The following ABCC1 variants were observed in gnomAD, a reference collection of about 807,000 sequenced individuals.
The protein encoded by ABCC1 is multidrug resistance-associated protein 1.
A neutral mutation model predicts 172.9 loss-of-function variants in ABCC1; 83 were observed. That is an observed-to-expected ratio of 0.48 (90% confidence interval 0.40 to 0.58). ABCC1 has a LOEUF of 0.58. Ranked by LOEUF, ABCC1 falls within the 20% of genes least tolerant of loss-of-function variation. The pLI is 0.00. For missense variants in ABCC1, 1,817 were observed against 2,002.7 expected (o/e 0.91, Z 1.77); for synonymous variants, 937 against 825.2 (o/e 1.14, Z -2.32).
In ABCC1 at chr16:16,142,367, T is replaced by C. The variant is rs1006440437; in HGVS notation, c.*1086T>C. The C allele has an allele frequency of 2.0e-5, 3 of 152,218 alleles. No individual in the cohort carries two copies. Among genetic ancestry groups the C allele is most frequent in the African/African-American group, 7.2e-5 (3 of 41,452 alleles). The allele number at this position is 152,218 out of a possible 1,614,324, so 9.4% of individuals were successfully genotyped here. A position where few individuals can be genotyped will look rare whatever the true frequency, so the allele number is the denominator to read the frequency against. On this transcript the variant is annotated 3_prime_UTR_variant, in exon 31 of 31. Coordinates refer to ENST00000399410, the MANE Select transcript of ABCC1 (RefSeq NM_004996.4). ...TACCACCTCTTTTCTTTCCCTCTCATGGTACCTGCTCATGGTTATGAAGCT... is the reference window on the plus strand; with the variant it reads ...TACCACCTCTTTTCTTTCCCTCTCACGGTACCTGCTCATGGTTATGAAGCT...
chr16:15,998,371 C>T (rs2047131792), intron 1 of ABCC1, among the ~76,000 whole-genome samples: 1 of 152,142 alleles, frequency 6.6e-6, no homozygotes, highest in Non-Finnish European at 1.5e-5. Flanking sequence ...AAGCAATCCT[C>T]CCGCCTCAGC....
chr16:16,132,499 TTTGG>T (rs374653119), intron 27 of ABCC1, among the ~76,000 whole-genome samples: 2,288 of 123,272 alleles, frequency 0.019, 77 homozygotes, highest in South Asian at 0.029. Flanking sequence ...TTTTTTGTTT[TTTGG>T]TTGGTTGTTT....
rs1281998558 is a variant in ABCC1, at chr16:16,007,198, T to G, written c.49-618T>G. 2.0e-5 allele frequency among the ~76,000 whole-genome samples: 3 copies of G among 149,308 alleles called. No individual in the cohort carries two copies. In the East Asian group the frequency reaches 5.9e-4, roughly 29 times the overall value. On this transcript the variant is annotated intron_variant, in intron 1 of 30. Transcript: ENST00000399410. The stretch of plus-strand genomic sequence containing the variant: ...ACCTTTTTGTTGTTGGTGGGTTTTT[T>G]TGTGTGTATGCACTGTTGTGTGTGT...
At chr16:16,129,610 T>G (rs1596548155) in intron 26 of ABCC1, among the ~76,000 whole-genome samples, 1 of 151,572 alleles carries the variant, frequency 6.6e-6, no homozygotes, top group African/African-American at 2.4e-5. Context: ...TTATCTTGGC[T>G]CACTGCAACC....
chr16:16,131,799 A>G lies in ABCC1; in HGVS notation c.3830A>G (p.Gln1277Arg), dbSNP rs965955331. 2 of 1,613,456 alleles carry G rather than the reference A, an allele frequency of 1.2e-6. No individual in the cohort carries two copies. The highest frequency in any genetic ancestry group is 1.7e-4 in the Middle Eastern group (1 of 6,048). ...TCACTGCGATCGAAGGCGCCCTGGC[A>G]AATCCAGGAGACAGCTCCGCCCAGC... is the stretch of plus-strand genomic sequence containing the variant. ...YSETEKEAPW[Q>R]IQETAPPSSW... Residue 1277 changes from glutamine (Q) to arginine (R), a missense_variant, in exon 27 of 31, where the codon CAA becomes CGA. This residue lies in a region of ABCC1 where 1,412 missense variants were observed against 1,600.3 expected (regional missense o/e 0.88). Transcript: ENST00000399410.
At chr16:16,019,759 T>A in intron 5 of ABCC1, among the ~76,000 whole-genome samples, 1 of 152,190 alleles carries the variant, frequency 6.6e-6, no homozygotes, top group East Asian at 1.9e-4. Flanking sequence ...GGATTTGCTC[T>A]GCCACCCTGG....
chr16:15,992,305 G>A (rs1274323061), intron 1 of ABCC1, among the ~76,000 whole-genome samples: 1 of 152,070 alleles, frequency 6.6e-6, no homozygotes, highest in African/African-American at 2.4e-5. Flanking sequence ...TAGAAATAAA[G>A]TGCACAATAA....
chr16:15,960,995 C>T (rs182004221), intron 1 of ABCC1, among the ~76,000 whole-genome samples: 5 of 136,416 alleles, frequency 3.7e-5, no homozygotes, highest in South Asian at 2.4e-4. Context: ...TTGAATGAAA[C>T]GCAGGTTTTT....
intron 1 of ABCC1, among the ~76,000 whole-genome samples, chr16:16,006,688 T>C (rs1023378158): frequency 2.6e-5 from 4 of 152,186 alleles, no homozygotes; most frequent in South Asian, 2.1e-4. Flanking sequence ...GCTTACCAGC[T>C]GTGTGATACT....
chr16:16,061,044 C>A (rs952280030), intron 12 of ABCC1, among the ~76,000 whole-genome samples: 6 of 152,060 alleles, frequency 3.9e-5, no homozygotes. Context: ...CCTGCCTCAG[C>A]GTCCGAGTAG....
chr16:16,086,905 G>C lies in ABCC1; in HGVS notation c.2374G>C (p.Asp792His), dbSNP rs1248532674. The C allele has an allele frequency of 6.2e-7, 1 of 1,614,070 alleles. No homozygotes were observed. The highest frequency in any genetic ancestry group is 1.3e-5 in the African/African-American group (1 of 74,924). The change falls in exon 18 of 31, where the codon GAT becomes CAT. Residue 792 changes from aspartate (D) to histidine (H), a missense_variant. By Grantham distance (81) the Asp-to-His change is moderately conservative. Transcript: ENST00000399410. ...CTCCAACGCTGACATTTACCTCTTC[G>C]ATGATCCCCTCTCAGCAGTGGATGC... The part of the protein sequence containing the change: ...VYSNADIYLF[D>H]DPLSAVDAHV...
At chr16:16,141,112 C>G (rs1234187471) in intron 30 of ABCC1, 61 bp from the exon 31 acceptor site, 7 of 1,491,482 alleles carry the variant, frequency 4.7e-6, no homozygotes, top group Non-Finnish European at 6.5e-6. Context: ...GTCAGTTGTC[C>G]CAGGGGCACG....
At chr16:16,072,092 C>G (rs2050371376) in intron 14 of ABCC1, among the ~76,000 whole-genome samples, 1 of 152,140 alleles carries the variant, frequency 6.6e-6, no homozygotes, top group Admixed American at 6.6e-5. Context: ...GCCTCCATCA[C>G]CCACAAGCTG....
At chr16:15,978,433 G>A (rs1408579563) in intron 1 of ABCC1, among the ~76,000 whole-genome samples, 2 of 152,144 alleles carry the variant, frequency 1.3e-5, no homozygotes, top group Non-Finnish European at 2.9e-5. Flanking sequence ...GTATGAATGA[G>A]GAAAGTGAGT....
At chr16:16,105,053 G>A (rs1474935683) in intron 20 of ABCC1, among the ~76,000 whole-genome samples, 1 of 152,174 alleles carries the variant, frequency 6.6e-6, no homozygotes, top group African/African-American at 2.4e-5. Context: ...TCCAGCCTTG[G>A]CCAGCCCAGA....
At chr16:16,093,979 C>CTTTTTTTTTTTT (rs578261751) in intron 19 of ABCC1, among the ~76,000 whole-genome samples, 1 of 106,658 alleles carries the variant, frequency 9.4e-6, no homozygotes, top group Admixed American at 1.0e-4. Context: ...TCCCTCTCTC[C>CTTTTTTTTTTTT]TTTTTTTTTT....
chr16:16,010,430 G>A (rs2047733611), intron 3 of ABCC1, among the ~76,000 whole-genome samples: 1 of 152,126 alleles, frequency 6.6e-6, no homozygotes, highest in South Asian at 2.1e-4. Flanking sequence ...CTGATTGAGT[G>A]GCAGATGCCC....
chr16:16,028,645 C>G (rs1377543247), intron 5 of ABCC1, among the ~76,000 whole-genome samples: 1 of 152,130 alleles, frequency 6.6e-6, no homozygotes, highest in Admixed American at 6.5e-5. Context: ...GCCTACAAAG[C>G]AAACACCACT....
At chr16:16,040,535 C>T (rs986864446) in intron 7 of ABCC1, among the ~76,000 whole-genome samples, 1 of 152,134 alleles carries the variant, frequency 6.6e-6, no homozygotes, top group African/African-American at 2.4e-5. Flanking sequence ...GATCTGCCTG[C>T]CTCGGCCTCC....
Sources: gnomAD v4.1 joint callset for allele counts (sites outside exome capture counted in the v4.1 genomes callset) on GRCh38, gnomAD v4.1.1 for gene constraint, gnomAD v4.1.1 regional missense constraint, MANE v1.5 for transcripts, NCBI Gene and HGNC (gene_info 2026-07-23, HGNC 2026-07-21) for gene names.